The following ERO1B variants were observed in gnomAD, a reference collection of about 807,000 sequenced individuals.
The protein encoded by ERO1B is ERO1-like protein beta.
ERO1B carries 49 observed loss-of-function variants against 75.3 expected under a neutral mutation model. The ratio of observed to expected loss-of-function variants is 0.65; its 90% CI spans 0.52 to 0.83. The LOEUF (loss-of-function observed/expected upper bound fraction) is 0.83, where lower values mean the gene tolerates loss of function less well. Ranked by LOEUF, ERO1B falls within the 40% of genes least tolerant of loss-of-function variation. The pLI is 0.00. For synonymous variants in ERO1B, 191 were observed against 192.9 expected (o/e 0.99, Z 0.08); for missense variants, 512 against 560.1 (o/e 0.91, Z 0.87).
At chr1:236,238,281 T>C (rs78244959) in intron 6 of ERO1B, among the ~76,000 whole-genome samples, 10,403 of 152,166 alleles carry the variant, frequency 0.068, 744 homozygotes, top group East Asian at 0.39. Flanking sequence ...TACAGATGGA[T>C]AGAAAAAACT....
Position 236,220,833 on chromosome 1 carries a change from T to C in ERO1B, c.1342A>G (p.Arg448Gly). The change falls in exon 15 of 16, where the codon AGG becomes GGG. Residue 448 changes from arginine (R) to glycine (G), a missense_variant and splice_region_variant. Transcript: ENST00000354619. The stretch of plus-strand genomic sequence containing the variant: ...TCTTCAACATATAATGGTTCTTACC[T>C]TCCAAAAGCATTTAAAAGAGCAACT... ...EIVALLNAFG[R>G]LSTSIRDLQN... is the part of the protein sequence containing the mutation. 6.3e-7 allele frequency: 1 copy of C among 1,582,838 alleles called. No individual in the cohort carries two copies. Among genetic ancestry groups the C allele is most frequent in the Non-Finnish European group, 8.6e-7 (1 of 1,169,032 alleles).
chr1:236,232,839 C>A lies in ERO1B; in HGVS notation c.674G>T (p.Gly225Val). 6.3e-7 allele frequency: 1 copy of A among 1,591,868 alleles called. No individual in the cohort carries two copies. The highest frequency in any genetic ancestry group is 8.6e-7 in the Non-Finnish European group (1 of 1,169,000). The change falls in exon 9 of 16, where the codon GGC becomes GTC. Residue 225 changes from glycine (G) to valine (V), a missense_variant and splice_region_variant. Coordinates refer to ENST00000354619, the MANE Select transcript of ERO1B (RefSeq NM_019891.4). Reference protein sequence around the residue: ...RPLNPLAPSRGEDDGESFYTW... With the variant: ...RPLNPLAPSRVEDDGESFYTW... ...TGAGTTTTGCTCACCATCATCTTCG[C>A]CTAAAAGAGAAAATAATAGAAAAGA...
chr1:236,281,714 G>A lies in ERO1B; in HGVS notation c.70C>T (p.Leu24=). 1 of 1,512,220 alleles carries A rather than the reference G, an allele frequency of 6.6e-7. No individual in the cohort carries two copies. Among genetic ancestry groups the A allele is most frequent in the Non-Finnish European group, 8.8e-7 (1 of 1,133,384 alleles). 93.7% of individuals were successfully genotyped at this position (1,512,220 alleles called of 1,614,324 possible). A position where few individuals can be genotyped will look rare whatever the true frequency, so the allele number is the denominator to read the frequency against. The part of the protein sequence containing the change: ...VAAAVQLLVT[L]SFLRSVVEAQ... ...TCGACGACGCTCCGCAGGAAGCTCA[G>A]GGTGACCAGCAGCTGCACCGCGGCC... Residue 24 remains leucine, a synonymous_variant, in exon 1 of 16, where the codon CTG becomes TTG. Transcript: ENST00000354619.
intron 2 of ERO1B, among the ~76,000 whole-genome samples, chr1:236,260,682 C>A (rs2812469): frequency 0.22 from 32,138 of 147,232 alleles, 3,674 homozygotes; most frequent in East Asian, 0.39. Context: ...AAAAAAAAGA[C>A]AGACAGACCA....
chr1:236,229,717 A>G (rs775616702), intron 10 of ERO1B, among the ~76,000 whole-genome samples: 2 of 152,194 alleles, frequency 1.3e-5, no homozygotes, highest in Non-Finnish European at 2.9e-5. Flanking sequence ...TATTTTCAAC[A>G]CTGGAAGTAC....
At chr1:236,225,642 T>C (rs1044500774) in intron 12 of ERO1B, among the ~76,000 whole-genome samples, 1 of 152,214 alleles carries the variant, frequency 6.6e-6, no homozygotes, top group Non-Finnish European at 1.5e-5. Context: ...AATTTAAATA[T>C]AGTGACTAGA....
intron 9 of ERO1B, among the ~76,000 whole-genome samples, chr1:236,231,501 A>G (rs1470955354): frequency 2.4e-5 from 2 of 82,112 alleles, no homozygotes; most frequent in Non-Finnish European, 4.4e-5. Flanking sequence ...TAAACACTTG[A>G]AAAAAAAAAA....
intron 2 of ERO1B, among the ~76,000 whole-genome samples, chr1:236,254,913 G>T (rs61833555): frequency 0.12 from 17,689 of 149,730 alleles, 1,254 homozygotes; most frequent in South Asian, 0.18. Context: ...GTGCCTGGCC[G>T]GTCTTTATCT....
intron 6 of ERO1B, among the ~76,000 whole-genome samples, chr1:236,240,722 A>G (rs1340069974): frequency 6.6e-6 from 1 of 152,220 alleles, no homozygotes; most frequent in Non-Finnish European, 1.5e-5. Context: ...CTAGGGATAC[A>G]TTAGTGAACC....
Position 236,249,901 on chromosome 1 carries a change from T to C in ERO1B, c.415A>G (p.Ile139Val), listed in dbSNP as rs762629207. The C allele has an allele frequency of 4.4e-6, 7 of 1,594,592 alleles. No individual in the cohort carries two copies. Among genetic ancestry groups the C allele is most frequent in the African/African-American group, 4.0e-5 (3 of 74,278 alleles). ...DCEQANKLGA[I>V]NSTLSNQSKE... ...AAAACTTGCCTTAATGTGCTGTTAA[T>C]TGCTCCCAGTTTATTAGCTTGCTCA... is the stretch of plus-strand genomic sequence containing the variant. Residue 139 changes from isoleucine to valine, a missense_variant, in exon 5 of 16, where the codon ATT (isoleucine) becomes GTT (valine). Physicochemically the swap from Ile to Val is conservative, Grantham distance 29 (BLOSUM62 3). Coordinates refer to ENST00000354619, the MANE Select transcript of ERO1B (RefSeq NM_019891.4).
intron 2 of ERO1B, among the ~76,000 whole-genome samples, chr1:236,262,761 C>G (rs1665321098): frequency 6.6e-6 from 1 of 152,110 alleles, no homozygotes; most frequent in Admixed American, 6.6e-5. Flanking sequence ...AACAGAAATA[C>G]ATGGTGCAAC....
At chr1:236,241,272 G>C (rs1020251652) in intron 6 of ERO1B, among the ~76,000 whole-genome samples, 1 of 152,174 alleles carries the variant, frequency 6.6e-6, no homozygotes, top group Non-Finnish European at 1.5e-5. Flanking sequence ...GGCCAGGCAC[G>C]GTGGCTGATG....
At chr1:236,239,835 G>GTGTATATATATGTGTATATATA (rs1664644049) in intron 6 of ERO1B, among the ~76,000 whole-genome samples, 5 of 42,352 alleles carry the variant, frequency 1.2e-4, no homozygotes, top group Non-Finnish European at 1.7e-4. Flanking sequence ...GTATATATAT[G>GTGTATATATATGTGTATATATA]TGTATATATA....
At chr1:236,241,380 C>A (rs1572043847) in intron 6 of ERO1B, among the ~76,000 whole-genome samples, 1 of 135,786 alleles carries the variant, frequency 7.4e-6, no homozygotes, top group East Asian at 4.1e-4. Flanking sequence ...CCTGTCTCTA[C>A]TAAAAATAAA....
chr1:236,236,172 C>A, intron 7 of ERO1B, 106 bp downstream of exon 7: 1 of 1,391,818 alleles, frequency 7.2e-7, no homozygotes. Flanking sequence ...GATGATCCAC[C>A]CACCTTGGCC....
At chr1:236,268,285 C>A (rs1267804550) in intron 2 of ERO1B, among the ~76,000 whole-genome samples, 3 of 151,984 alleles carry the variant, frequency 2.0e-5, no homozygotes, top group African/African-American at 7.2e-5. Context: ...ACTAAAAATA[C>A]AAAAATTAGC....
At chr1:236,274,103 C>T (rs1665660532) in intron 1 of ERO1B, among the ~76,000 whole-genome samples, 1 of 151,542 alleles carries the variant, frequency 6.6e-6, no homozygotes, top group Non-Finnish European at 1.5e-5. Context: ...CGTGCCTCAG[C>T]CTCCCGAGTA....
intron 2 of ERO1B, among the ~76,000 whole-genome samples, chr1:236,268,448 CA>C (rs925678440): frequency 1.4e-3 from 204 of 147,852 alleles, no homozygotes; most frequent in African/African-American, 4.9e-3. Flanking sequence ...TAAAAAAAAA[CA>C]AAAAAAAATT....
At chr1:236,255,531 T>C (rs1474277333) in intron 2 of ERO1B, among the ~76,000 whole-genome samples, 1 of 152,180 alleles carries the variant, frequency 6.6e-6, no homozygotes, top group Non-Finnish European at 1.5e-5. Flanking sequence ...AGTGGTATAA[T>C]ACATAGTAGA....
Sources: allele counts gnomAD v4.1 joint callset (sites outside exome capture counted in the v4.1 genomes callset), GRCh38; gene constraint gnomAD v4.1.1; transcripts MANE v1.5; gene names NCBI Gene and HGNC (gene_info 2026-07-23, HGNC 2026-07-21).